The following CUX1 variants were observed in gnomAD, a reference collection of about 807,000 sequenced individuals.
CUX1 encodes cut like homeobox 1.
CUX1 carries 31 observed loss-of-function variants against 158.8 expected under a neutral mutation model. The observed-to-expected ratio is 0.20, with a 90% CI of 0.15 to 0.26. The LOEUF (loss-of-function observed/expected upper bound fraction) is 0.26, where lower values mean the gene tolerates loss of function less well. CUX1 is among the 10% of genes least tolerant of loss of function. The pLI, the probability that CUX1 is intolerant of heterozygous loss-of-function variation, is 1.00. For missense variants in CUX1, 1,589 were observed against 2,014.6 expected, an observed-to-expected ratio of 0.79 and a Z score of 4.04; for synonymous variants, 879 against 862.1, an observed-to-expected ratio of 1.02 and a Z score of -0.34.
chr7:102,152,419 T>G (rs1247282015), intron 8 of CUX1, among the ~76,000 whole-genome samples: 6 of 151,754 alleles, frequency 4.0e-5, no homozygotes, highest in African/African-American at 1.5e-4. Flanking sequence ...TTGTTTGTTT[T>G]TGTTTGTTTG....
At chr7:101,883,275 T>C (rs924502233) in intron 1 of CUX1, among the ~76,000 whole-genome samples, 1 of 152,246 alleles carries the variant, frequency 6.6e-6, no homozygotes, top group African/African-American at 2.4e-5. Flanking sequence ...TGTGGAATGT[T>C]GCCATCCTTT....
At position 102,148,061 on chromosome 7, in the gene CUX1, T is replaced by C. The variant is rs1297875212; in HGVS notation, c.675-10499T>C. On this transcript the variant is annotated intron_variant, in intron 8 of 23. Coordinates refer to ENST00000292535, the MANE Select transcript of CUX1 (RefSeq NM_181552.4). ...GTACCTGCTGTGTTCCCTGGAACTA[T>C]GGCAGTGGATAAGCAAGTAATCAAT... Among the ~76,000 whole-genome samples the C allele has an allele frequency of 2.6e-5, 4 of 152,224 alleles. No homozygotes were observed. In the East Asian group the frequency reaches 7.7e-4, roughly 29 times the overall value.
intron 2 of CUX1, among the ~76,000 whole-genome samples, chr7:101,977,605 T>G (rs748463715): frequency 2.0e-5 from 3 of 151,990 alleles, no homozygotes; most frequent in Non-Finnish European, 4.4e-5. Context: ...ATCGTGCCAC[T>G]GTACTCCAGC....
chr7:101,847,394 G>C (rs138654317), intron 1 of CUX1, among the ~76,000 whole-genome samples: 1 of 152,082 alleles, frequency 6.6e-6, no homozygotes, highest in Non-Finnish European at 1.5e-5. Context: ...GCAGCCATGC[G>C]TCCCACTGTC....
intron 4 of CUX1, among the ~76,000 whole-genome samples, chr7:102,081,162 T>C (rs1242382182): frequency 6.6e-6 from 1 of 152,192 alleles, no homozygotes; most frequent in South Asian, 2.1e-4. Context: ...CTCTAAATGT[T>C]GGAGTATGCC....
At chr7:102,225,137 T>A (rs779998139) in intron 20 of CUX1, among the ~76,000 whole-genome samples, 16 of 152,144 alleles carry the variant, frequency 1.1e-4, no homozygotes, top group Non-Finnish European at 2.4e-4. Context: ...CCCTAAAGAT[T>A]TATACGGACC....
chr7:102,220,530 G>T (rs1452228617), intron 20 of CUX1, among the ~76,000 whole-genome samples: 1 of 152,180 alleles, frequency 6.6e-6, no homozygotes, highest in East Asian at 1.9e-4. Context: ...ACCTAGCTAG[G>T]AAGTATCCAG....
intron 8 of CUX1, 83 bp from the exon 9 acceptor site, chr7:102,158,477 C>T: frequency 1.4e-6 from 2 of 1,444,772 alleles, no homozygotes; most frequent in South Asian, 1.2e-5. Flanking sequence ...TTCCCGAGCC[C>T]TGAGCTAGGA....
intron 1 of CUX1, among the ~76,000 whole-genome samples, chr7:101,879,687 G>T (rs1799515421): frequency 6.6e-6 from 1 of 152,138 alleles, no homozygotes; most frequent in Admixed American, 6.5e-5. Context: ...TTCCTTTTGT[G>T]GCCTTGCCTT....
At chr7:102,277,928 T>TCTTTCCCCCCCCCCC in intron 17 of CUX1, 1 of 1,043,596 alleles carries the variant, frequency 9.6e-7, no homozygotes. Context: ...CCCACCCCTT[T>TCTTTCCCCCCCCCCC]CCTTGCCCCT....
chr7:102,031,843 A>G (rs1274186358), intron 3 of CUX1, among the ~76,000 whole-genome samples: 1 of 151,994 alleles, frequency 6.6e-6, no homozygotes, highest in Non-Finnish European at 1.5e-5. Flanking sequence ...TATATTTACT[A>G]TAGTCCTTGT....
At chr7:102,165,625 A>C (rs1229702237) in intron 9 of CUX1, among the ~76,000 whole-genome samples, 1 of 152,136 alleles carries the variant, frequency 6.6e-6, no homozygotes, top group Non-Finnish European at 1.5e-5. Context: ...TCAGCCTCCC[A>C]AAGTGCTGGG....
At chr7:102,136,609 T>G (rs1335651199) in intron 8 of CUX1, among the ~76,000 whole-genome samples, 7 of 152,238 alleles carry the variant, frequency 4.6e-5, no homozygotes, top group African/African-American at 1.7e-4. Context: ...CAGGCTGGTC[T>G]GAAACTCCTG....
intron 1 of CUX1, among the ~76,000 whole-genome samples, chr7:101,820,048 C>T (rs117262125): frequency 1.3e-4 from 20 of 152,326 alleles, no homozygotes; most frequent in African/African-American, 4.6e-4. Context: ...TTAAGACAAA[C>T]CCATCAGGGT....
At chr7:101,828,292 T>TG (rs1793610752) in intron 1 of CUX1, among the ~76,000 whole-genome samples, 1 of 151,438 alleles carries the variant, frequency 6.6e-6, no homozygotes, top group South Asian at 2.1e-4. Context: ...ACTTTTATTA[T>TG]GGAAAAAAAA....
intron 14 of CUX1, chr7:102,265,109 A>G (rs1283638858): frequency 6.6e-6 from 1 of 152,148 alleles, no homozygotes; most frequent in African/African-American, 2.4e-5. Flanking sequence ...TAATCCCAGC[A>G]CTTTGGGAGG....
intron 1 of CUX1, among the ~76,000 whole-genome samples, chr7:101,903,094 C>G (rs1181855493): frequency 6.6e-6 from 1 of 152,174 alleles, no homozygotes; most frequent in African/African-American, 2.4e-5. Context: ...ATCTGTAAGA[C>G]CAGATCAGCA....
chr7:101,839,452 C>T (rs1794986429), intron 1 of CUX1, among the ~76,000 whole-genome samples: 1 of 152,232 alleles, frequency 6.6e-6, no homozygotes, highest in Admixed American at 6.5e-5. Context: ...GCCCCACTTA[C>T]TCCCCCACCC....
chr7:102,246,278 C>T (rs1554536871), intron 23 of CUX1, among the ~76,000 whole-genome samples: 1 of 152,182 alleles, frequency 6.6e-6, no homozygotes. Flanking sequence ...TTCACAGAAG[C>T]CACCATTTCC....
Sources: allele counts gnomAD v4.1 joint callset (sites outside exome capture counted in the v4.1 genomes callset), GRCh38; gene constraint gnomAD v4.1.1; transcripts MANE v1.5; gene names NCBI Gene and HGNC (gene_info 2026-07-23, HGNC 2026-07-21).